The following RAB40B variants were observed in gnomAD, a reference collection of about 807,000 sequenced individuals.
The protein encoded by RAB40B is RAB40B, member RAS oncogene family.
Under a neutral mutation model 24.0 loss-of-function variants are expected in RAB40B, and 21 were observed. That is an observed-to-expected ratio of 0.88 (90% confidence interval 0.62 to 1.26). RAB40B has a LOEUF of 1.26. Ranked by LOEUF, RAB40B falls within the 50% of genes most tolerant of loss-of-function variation. RAB40B has a pLI of 0.00. For synonymous variants in RAB40B, 167 were observed against 169.8 expected (o/e 0.98, Z 0.13); for missense variants, 348 against 390.5 (o/e 0.89, Z 0.92).
At chr17:82,664,309 T>C (rs1258753213) in intron 2 of RAB40B, among the ~76,000 whole-genome samples, 187 bp downstream of exon 2, 2 of 85,124 alleles carry the variant, frequency 2.3e-5, no homozygotes, top group Non-Finnish European at 4.6e-5. Flanking sequence ...CTGATGGTGG[T>C]GGGGCTGGTG....
intron 1 of RAB40B, among the ~76,000 whole-genome samples, chr17:82,695,197 C>CTTTCT (rs1555660524): frequency 2.1e-5 from 3 of 140,784 alleles, no homozygotes; most frequent in African/African-American, 8.2e-5. Context: ...TTCTTTCTTT[C>CTTTCT]TTTTTTTTTT....
rs1426883737 is a variant in RAB40B, at chr17:82,697,370, C to CG, written c.142+1084dup. 3.9e-5 allele frequency among the ~76,000 whole-genome samples: 6 copies of CG among 152,178 alleles called. No homozygotes were observed. The highest frequency in any genetic ancestry group is 3.9e-4 in the Admixed American group (6 of 15,274). On this transcript the variant is annotated intron_variant, in intron 1 of 5. Transcript: ENST00000571995. The surrounding 1 kb of genome is among the most constrained non-coding windows in gnomAD (Gnocchi z 4.9). ...TCCTCCCACCCTCTCCCGCTAAGTT[C>CG]GTCTCTGGCAGGACCCTGGACCTGG...
Position 82,663,962 on chromosome 17 carries a change from T to TC in RAB40B, c.203+533dup, listed in dbSNP as rs1239532128. Among the ~76,000 whole-genome samples the TC allele has an allele frequency of 6.6e-6, 1 of 150,962 alleles. No individual in the cohort carries two copies. The highest frequency in any genetic ancestry group is 6.6e-5 in the Admixed American group (1 of 15,188). On this transcript the variant is annotated intron_variant, in intron 2 of 5. Coordinates refer to ENST00000571995, the MANE Select transcript of RAB40B (RefSeq NM_006822.3). The surrounding 1 kb of genome is among the most constrained non-coding windows in gnomAD (Gnocchi z 6.2). The stretch of plus-strand genomic sequence containing the variant: ...CTGGTGCAGCTGGGGCTGGGGGTGC[T>TC]CCCCGGGGCGCTGTGCCGACGGTGG...
intron 1 of RAB40B, among the ~76,000 whole-genome samples, chr17:82,681,020 C>CAAA (rs201799464): frequency 1.3e-3 from 125 of 93,836 alleles, no homozygotes; most frequent in East Asian, 2.4e-3. Context: ...GACTCCATCT[C>CAAA]AAAAAAAAAA....
chr17:82,679,367 C>T (rs771269900), intron 1 of RAB40B, among the ~76,000 whole-genome samples: 161 of 151,536 alleles, frequency 1.1e-3, no homozygotes, highest in Non-Finnish European at 1.8e-3. Context: ...CTGCAAGCTC[C>T]GCCTCCTGGG....
intron 1 of RAB40B, among the ~76,000 whole-genome samples, chr17:82,682,999 CG>C (rs1439191154): frequency 6.6e-6 from 1 of 152,028 alleles, no homozygotes; most frequent in Non-Finnish European, 1.5e-5. Context: ...AAAAATTAGC[CG>C]GGCATGGTGG....
In RAB40B at chr17:82,697,059, G is replaced by A. The variant is rs941460670; in HGVS notation, c.142+1396C>T. On this transcript the variant is annotated intron_variant, in intron 1 of 5. Transcript: ENST00000571995. The surrounding 1 kb of genome is among the most constrained non-coding windows in gnomAD (Gnocchi z 4.9). ...CCTCCTGCCCCACGGAGCACACTCT[G>A]CACCCACCAGCTGCCAGAGACTCCC... Among the ~76,000 whole-genome samples the A allele has an allele frequency of 2.0e-5, 3 of 152,076 alleles. No individual in the cohort carries two copies. Among genetic ancestry groups the A allele is most frequent in the African/African-American group, 4.8e-5 (2 of 41,402 alleles).
intron 1 of RAB40B, among the ~76,000 whole-genome samples, chr17:82,691,461 G>A (rs1026895698): frequency 1.3e-5 from 2 of 152,122 alleles, no homozygotes; most frequent in Non-Finnish European, 2.9e-5. Context: ...CCAGGCAGGC[G>A]GATTGCCTGA....
At chr17:82,672,622 T>G (rs1267535747) in intron 1 of RAB40B, among the ~76,000 whole-genome samples, 2 of 152,190 alleles carry the variant, frequency 1.3e-5, no homozygotes, top group Non-Finnish European at 2.9e-5. Context: ...CTGGTGGCCT[T>G]ACAAGGAGAG....
chr17:82,658,971 C>A, intron 4 of RAB40B: 1 of 472,190 alleles, frequency 2.1e-6, no homozygotes, highest in South Asian at 3.0e-5. Flanking sequence ...GGCCATGTTA[C>A]GCGAAGGCAG....
intron 1 of RAB40B, among the ~76,000 whole-genome samples, chr17:82,695,158 G>C (rs1396638511): frequency 1.3e-5 from 2 of 151,194 alleles, no homozygotes; most frequent in Non-Finnish European, 2.9e-5. Flanking sequence ...ATGGAGTGTG[G>C]AGTTACGAAC....
rs765268430 is a variant in RAB40B at position 82,657,884 on chromosome 17, T to C, written c.816A>G (p.Arg272=). Reference sequence around the variant, plus strand: ...TTCCTTAAGAAATTTTGCAGCTGTTTCTGGTGCAGTTTTTGGGGGGGCTCT... The same window carrying C: ...TTCCTTAAGAAATTTTGCAGCTGTTCCTGGTGCAGTTTTTGGGGGGGCTCT... ...PPQSPPKNCT[R]NSCKIS Residue 272 remains arginine (R), a synonymous_variant, in exon 6 of 6, where the codon AGA becomes AGG. Transcript: ENST00000571995. 8.3e-6 allele frequency: 12 copies of C among 1,453,818 alleles called. No homozygotes were observed. Among genetic ancestry groups the C allele is most frequent in the African/African-American group, 1.5e-5 (1 of 67,038 alleles). 90.1% of individuals were successfully genotyped at this position (1,453,818 alleles called of 1,614,324 possible). A position where few individuals can be genotyped will look rare whatever the true frequency, so the allele number is the denominator to read the frequency against.
intron 1 of RAB40B, among the ~76,000 whole-genome samples, chr17:82,683,020 GT>G (rs1325153253): frequency 3.9e-5 from 6 of 152,178 alleles, no homozygotes; most frequent in Admixed American, 6.5e-5. Context: ...GCACACGCCT[GT>G]AATCCCAGGT....
intron 1 of RAB40B, among the ~76,000 whole-genome samples, chr17:82,680,731 T>G (rs2046440822): frequency 6.6e-6 from 1 of 152,102 alleles, no homozygotes; most frequent in African/African-American, 2.4e-5. Context: ...AATGTTTTAA[T>G]TCTAAAATAT....
chr17:82,678,878 C>CTTT (rs2046420370), intron 1 of RAB40B, among the ~76,000 whole-genome samples: 1 of 91,500 alleles, frequency 1.1e-5, no homozygotes, highest in African/African-American at 4.2e-5. Context: ...TCCCTTTCTG[C>CTTT]GTTTTTTTTT....
In RAB40B at chr17:82,655,433, G is replaced by A. The variant is rs544351315; in HGVS notation, c.*2430C>T. Reference sequence around the variant, plus strand: ...TTTCTAGGACATTATCAGTAGTCCCGAGGAGACATCAATTACAAAACAAGA... The same window carrying A: ...TTTCTAGGACATTATCAGTAGTCCCAAGGAGACATCAATTACAAAACAAGA... On this transcript the variant is annotated 3_prime_UTR_variant, in exon 6 of 6. Transcript: ENST00000571995. 7.2e-5 allele frequency: 11 copies of A among 152,292 alleles called. No homozygotes were observed. Among genetic ancestry groups the A allele is most frequent in the East Asian group, 3.9e-4 (2 of 5,192 alleles). The allele number at this position is 152,292 out of a possible 1,614,324, so 9.4% of individuals were successfully genotyped here.
chr17:82,696,010 C>G (rs2046606419), intron 1 of RAB40B, among the ~76,000 whole-genome samples: 2 of 152,180 alleles, frequency 1.3e-5, no homozygotes, highest in Non-Finnish European at 2.9e-5. Context: ...GCTGGGATTA[C>G]AGACATGTGA....
intron 1 of RAB40B, among the ~76,000 whole-genome samples, chr17:82,682,427 TG>T (rs1376426803): frequency 6.6e-6 from 1 of 152,160 alleles, no homozygotes; most frequent in South Asian, 2.1e-4. Context: ...CCTAAATAAA[TG>T]GAGAGACATA....
rs751754802 is a variant in RAB40B, at chr17:82,655,173, A to C, written c.*2690T>G. On this transcript the variant is annotated 3_prime_UTR_variant, in exon 6 of 6. Transcript: ENST00000571995. ...CAATCGCCACAAACCTGGTGACTTA[A>C]ATAACAAATATTTATTTTCTCGTAG... The C allele has an allele frequency of 3.3e-5, 5 of 152,056 alleles. No homozygotes were observed. Among genetic ancestry groups the C allele is most frequent in the Admixed American group, 1.3e-4 (2 of 15,268 alleles). The allele number at this position is 152,056 out of a possible 1,614,324, so 9.4% of individuals were successfully genotyped here.
Sources: allele counts gnomAD v4.1 joint callset (sites outside exome capture counted in the v4.1 genomes callset), GRCh38; gene constraint gnomAD v4.1.1; non-coding constraint Gnocchi (gnomAD v3.1); transcripts MANE v1.5; gene names NCBI Gene and HGNC (gene_info 2026-07-23, HGNC 2026-07-21).